ITGA9: variants seen among roughly 807,000 people sequenced by gnomAD.
ITGA9 encodes integrin alpha-9.
Under a neutral mutation model 127.8 loss-of-function variants are expected in ITGA9, and 56 were observed. The observed-to-expected ratio is 0.44, with a 90% confidence interval of 0.35 to 0.55. The LOEUF is 0.55. ITGA9 is among the 20% of genes least tolerant of loss of function. The pLI is 0.00. For missense variants in ITGA9, 1,196 were observed against 1,347.1 expected (o/e 0.89, Z 1.76); for synonymous variants, 508 against 514.5 (o/e 0.99, Z 0.17).
intron 15 of ITGA9, among the ~76,000 whole-genome samples, chr3:37,591,813 T>C (rs1479565829): frequency 6.6e-6 from 1 of 152,226 alleles, no homozygotes; most frequent in Non-Finnish European, 1.5e-5. Flanking sequence ...GAGGGCCATG[T>C]TTCTACCCCT....
intron 26 of ITGA9, among the ~76,000 whole-genome samples, chr3:37,788,414 T>G (rs1172885249): frequency 6.6e-6 from 1 of 151,776 alleles, no homozygotes; most frequent in African/African-American, 2.4e-5. Context: ...GTTTCTCCAC[T>G]GCAAAAAATA....
At chr3:37,608,070 C>A (rs981170795) in intron 15 of ITGA9, among the ~76,000 whole-genome samples, 1 of 152,192 alleles carries the variant, frequency 6.6e-6, no homozygotes, top group Admixed American at 6.5e-5. Flanking sequence ...CCGGGCACAT[C>A]TTTGTGCGCA....
chr3:37,715,715 C>A (rs1459316706), intron 18 of ITGA9, among the ~76,000 whole-genome samples: 1 of 152,218 alleles, frequency 6.6e-6, no homozygotes, highest in Non-Finnish European at 1.5e-5. Context: ...TTGAAACTGG[C>A]TGCCCCATTG....
At position 37,615,395 on chromosome 3, in the gene ITGA9, G is replaced by A. The variant is rs1236946518; in HGVS notation, c.1690-13792G>A. Among the ~76,000 whole-genome samples the A allele has an allele frequency of 5.3e-5, 8 of 152,216 alleles. No individual in the cohort carries two copies. In the East Asian group the frequency reaches 1.2e-3, roughly 22 times the overall value. The stretch of plus-strand genomic sequence containing the variant: ...GTATTTTATTGAGGATTTTTACATC[G>A]ATGTTCATCAGGGATACTGGTCTAA... On this transcript the variant is annotated intron_variant, in intron 15 of 27. Transcript: ENST00000264741.
intron 3 of ITGA9, among the ~76,000 whole-genome samples, chr3:37,480,623 T>C (rs1698542807): frequency 6.6e-6 from 1 of 152,186 alleles, no homozygotes; most frequent in Non-Finnish European, 1.5e-5. Context: ...TAAGTTTCCA[T>C]AAAAAAACAA....
At chr3:37,747,026 G>T (rs1305601376) in intron 22 of ITGA9, among the ~76,000 whole-genome samples, 1 of 152,182 alleles carries the variant, frequency 6.6e-6, no homozygotes, top group Non-Finnish European at 1.5e-5. Context: ...CAAGCAGCAT[G>T]TCATTCCTTC....
chr3:37,658,150 A>C (rs1700496389), intron 17 of ITGA9, among the ~76,000 whole-genome samples: 1 of 152,192 alleles, frequency 6.6e-6, no homozygotes, highest in Non-Finnish European at 1.5e-5. Flanking sequence ...AGGTACTGAG[A>C]AGAATGTATA....
At chr3:37,677,509 T>C (rs1017701362) in intron 17 of ITGA9, among the ~76,000 whole-genome samples, 10 of 152,250 alleles carry the variant, frequency 6.6e-5, no homozygotes, top group Non-Finnish European at 1.5e-4. Flanking sequence ...CTAAATATTC[T>C]CCCAGTATTC....
intron 24 of ITGA9, among the ~76,000 whole-genome samples, chr3:37,778,146 A>G (rs976533378): frequency 6.6e-6 from 1 of 152,338 alleles, no homozygotes; most frequent in African/African-American, 2.4e-5. Flanking sequence ...ATATTGTAAT[A>G]TTTCACTTAT....
At chr3:37,750,665 T>G (rs897013188) in intron 23 of ITGA9, 96 bp downstream of exon 23, 1 of 897,016 alleles carries the variant, frequency 1.1e-6, no homozygotes, top group African/African-American at 1.6e-5. Flanking sequence ...CCTTGAGGGT[T>G]TGGAAAATTC....
rs192604637 is a variant in ITGA9 at position 37,590,544 on chromosome 3, C to T, written c.1690-38643C>T. On this transcript the variant is annotated intron_variant, in intron 15 of 27. Coordinates refer to ENST00000264741, the MANE Select transcript of ITGA9 (RefSeq NM_002207.3). ...GTAGCCAAGCCCAAATATTTAGCTA[C>T]GGCCACACCAGCCCTTGTTCTGCTT... Among the ~76,000 whole-genome samples, 21 of 152,346 alleles carry T rather than the reference C, an allele frequency of 1.4e-4. No individual in the cohort carries two copies. The East Asian group carries it at 3.1e-3, about 22-fold the overall frequency.
chr3:37,583,967 G>T (rs1274823879), intron 15 of ITGA9, among the ~76,000 whole-genome samples: 1 of 152,160 alleles, frequency 6.6e-6, no homozygotes, highest in Non-Finnish European at 1.5e-5. Flanking sequence ...TCTATCAGTT[G>T]TGCTCATGCT....
intron 15 of ITGA9, among the ~76,000 whole-genome samples, chr3:37,553,561 A>G (rs751073651): frequency 1.3e-5 from 2 of 152,256 alleles, no homozygotes; most frequent in Non-Finnish European, 2.9e-5. Context: ...TACATCCAAC[A>G]TCACTGAAGG....
At chr3:37,724,017 A>G (rs1481380362) in intron 18 of ITGA9, among the ~76,000 whole-genome samples, 1 of 152,196 alleles carries the variant, frequency 6.6e-6, no homozygotes, top group Non-Finnish European at 1.5e-5. Flanking sequence ...TATTTCTCCC[A>G]GGAGCAGAGG....
chr3:37,514,672 C>G (rs1426559798), intron 9 of ITGA9, among the ~76,000 whole-genome samples: 1 of 152,214 alleles, frequency 6.6e-6, no homozygotes, highest in African/African-American at 2.4e-5. Context: ...TGGGTTCAAA[C>G]TCTTCTCCTG....
chr3:37,811,216 GA>G (rs1260427464), intron 27 of ITGA9, among the ~76,000 whole-genome samples: 3 of 152,208 alleles, frequency 2.0e-5, no homozygotes, highest in African/African-American at 4.8e-5. Flanking sequence ...CATGCAGGAA[GA>G]AAACTTTGAA....
intron 17 of ITGA9, among the ~76,000 whole-genome samples, chr3:37,680,153 A>G (rs1366349695): frequency 1.3e-5 from 2 of 152,090 alleles, no homozygotes; most frequent in Non-Finnish European, 2.9e-5. Flanking sequence ...CTTCATCTCA[A>G]TTTCCTCATC....
At chr3:37,728,422 A>G (rs1207286393) in intron 18 of ITGA9, among the ~76,000 whole-genome samples, 3 of 152,218 alleles carry the variant, frequency 2.0e-5, no homozygotes, top group African/African-American at 7.2e-5. Context: ...TTTTATTTAA[A>G]GAATTACCTT....
intron 16 of ITGA9, among the ~76,000 whole-genome samples, chr3:37,649,999 A>G (rs1376504714): frequency 6.6e-6 from 1 of 152,236 alleles, no homozygotes; most frequent in Admixed American, 6.5e-5. Flanking sequence ...TATAATGTCT[A>G]TCAGCTGGGG....
Sources: allele counts gnomAD v4.1 joint callset (sites outside exome capture counted in the v4.1 genomes callset), GRCh38; gene constraint gnomAD v4.1.1; transcripts MANE v1.5; gene names NCBI Gene and HGNC (gene_info 2026-07-23, HGNC 2026-07-21).